The following CELF1 variants were observed in gnomAD, a reference collection of about 807,000 sequenced individuals.
CELF1 encodes the protein CUGBP Elav-like family member 1.
A neutral mutation model predicts 61.8 loss-of-function variants in CELF1; 10 were observed. The ratio of observed to expected loss-of-function variants is 0.16; its 90% CI spans 0.10 to 0.27. CELF1 has a LOEUF of 0.27. Ranked by LOEUF, CELF1 falls within the 10% of genes least tolerant of loss-of-function variation. The pLI, the probability that CELF1 is intolerant of heterozygous loss-of-function variation, is 1.00. For synonymous variants in CELF1, 236 were observed against 225.1 expected (o/e 1.05, Z -0.43); for missense variants, 380 against 639.1 (o/e 0.59, Z 4.37).
chr11:47,481,080 G>GTT, intron 9 of CELF1, among the ~76,000 whole-genome samples: 1 of 124,902 alleles, frequency 8.0e-6, no homozygotes, highest in Non-Finnish European at 1.8e-5. Context: ...GATAAACTGG[G>GTT]GTTTTTTTTT....
At chr11:47,519,643 G>A (rs555173891) in intron 1 of CELF1, among the ~76,000 whole-genome samples, 6 of 152,150 alleles carry the variant, frequency 3.9e-5, no homozygotes, top group South Asian at 2.1e-4. Flanking sequence ...AGGCCAAGGC[G>A]GGTGGATCAC....
chr11:47,537,113 A>G (rs763328619), intron 1 of CELF1, among the ~76,000 whole-genome samples: 2 of 152,172 alleles, frequency 1.3e-5, no homozygotes, highest in Non-Finnish European at 2.9e-5. Flanking sequence ...ATATCAGATT[A>G]TCCTTTTCTT....
At position 47,466,719 on chromosome 11, in the gene CELF1, T is replaced by C. The variant is rs1382827060; in HGVS notation, c.*5511A>G. 3 of 152,222 alleles carry C rather than the reference T, an allele frequency of 2.0e-5. No homozygotes were observed. Among genetic ancestry groups the C allele is most frequent in the Non-Finnish European group, 2.9e-5 (2 of 68,038 alleles). The allele number at this position is 152,222 out of a possible 1,614,324, so 9.4% of individuals were successfully genotyped here. On this transcript the variant is annotated 3_prime_UTR_variant, in exon 15 of 15. Transcript: ENST00000687097. ...GAAACAACGTCCAACATTTGGCATT[T>C]GGTTTTATCCACAGGTTTTCCCAGA...
rs773770665 is a variant in CELF1 at position 47,476,874 on chromosome 11, C to T, written c.1059G>A (p.Thr353=). Residue 353 remains threonine (T), a synonymous_variant, in exon 12 of 15, where the codon ACG becomes ACA. Transcript: ENST00000687097. ...LGALQTLAGA[T]AGLNVGSLAG... ...CCAAAGAGCCAACATTGAGGCCAGC[C>T]GTTGCTCCAGCTAATGTCTGCAGGG... 10 of 1,614,138 alleles carry T rather than the reference C, an allele frequency of 6.2e-6. No homozygotes were observed. The highest frequency in any genetic ancestry group is 1.1e-5 in the South Asian group (1 of 91,082).
chr11:47,553,211 T>C (rs547651924), upstream of CELF1: 16 of 385,742 alleles, frequency 4.1e-5, no homozygotes, highest in South Asian at 2.7e-4. Context: ...AGGGGGAACG[T>C]ATCACCGCGG....
At chr11:47,485,180 T>C (rs1052144215) in intron 6 of CELF1, among the ~76,000 whole-genome samples, 1 of 152,158 alleles carries the variant, frequency 6.6e-6, no homozygotes, top group African/African-American at 2.4e-5. Context: ...CCCTAGTCCT[T>C]TGTATTGTTT....
At chr11:47,473,605 A>G (rs1435410062) in intron 13 of CELF1, among the ~76,000 whole-genome samples, 2 of 152,172 alleles carry the variant, frequency 1.3e-5, no homozygotes, top group African/African-American at 4.8e-5. Context: ...GTTTCCAAAT[A>G]ATGCCTAGAA....
intron 1 of CELF1, among the ~76,000 whole-genome samples, chr11:47,514,381 T>C (rs1042202403): frequency 2.6e-5 from 4 of 152,032 alleles, no homozygotes; most frequent in Non-Finnish European, 5.9e-5. Context: ...GCCAATAGCA[T>C]CCTTGCATAT....
intron 1 of CELF1, among the ~76,000 whole-genome samples, chr11:47,535,404 C>T (rs1030950637): frequency 2.6e-5 from 4 of 152,066 alleles, no homozygotes; most frequent in East Asian, 3.9e-4. Flanking sequence ...TTGGGCTGGG[C>T]GAGATGGCTC....
Position 47,469,809 on chromosome 11 carries a change from C to A in CELF1, c.*2421G>T, listed in dbSNP as rs558712185. On this transcript the variant is annotated 3_prime_UTR_variant, in exon 15 of 15. Coordinates refer to ENST00000687097, the MANE Select transcript of CELF1 (RefSeq NM_001376376.1). ...AAAGGTGGGTGGATTGCACCTTGGC[C>A]TCTTATGTCATTAGGAAAGGGGTTT... 1 of 152,314 alleles carries A rather than the reference C, an allele frequency of 6.6e-6. No individual in the cohort carries two copies. The highest frequency in any genetic ancestry group is 1.9e-4 in the East Asian group (1 of 5,186). The allele number at this position is 152,314 out of a possible 1,614,324, so 9.4% of individuals were successfully genotyped here.
chr11:47,514,087 C>T (rs1236248711), intron 1 of CELF1: 2 of 151,974 alleles, frequency 1.3e-5, no homozygotes, highest in African/African-American at 4.8e-5. Flanking sequence ...CACCACCACA[C>T]CCAGCTAATT....
intron 1 of CELF1, among the ~76,000 whole-genome samples, chr11:47,551,286 G>A (rs2097130720): frequency 6.6e-6 from 1 of 152,154 alleles, no homozygotes; most frequent in South Asian, 2.1e-4. Flanking sequence ...CATTCTTAAT[G>A]GAAACAGGTG....
chr11:47,505,991 T>C (rs1308627019), intron 1 of CELF1, among the ~76,000 whole-genome samples: 1 of 150,362 alleles, frequency 6.7e-6, no homozygotes, highest in Non-Finnish European at 1.5e-5. Flanking sequence ...AAGGTATTAG[T>C]ACGTGCATGG....
intron 2 of CELF1, 190 bp from the exon 3 acceptor site, chr11:47,499,794 G>C (rs2093669833): frequency 2.3e-6 from 1 of 428,036 alleles, no homozygotes; most frequent in East Asian, 4.0e-5. Flanking sequence ...CTTGTTTTGT[G>C]CAATTTTCCC....
At chr11:47,503,690 A>C (rs1253692381) in intron 1 of CELF1, among the ~76,000 whole-genome samples, 1 of 152,222 alleles carries the variant, frequency 6.6e-6, no homozygotes, top group Admixed American at 6.5e-5. Flanking sequence ...AAATTTTTGC[A>C]CAGTACCTTT....
rs1453228694 is a variant in CELF1 at position 47,473,152 on chromosome 11, G to C, written c.1353C>G (p.Pro451=). The C allele has an allele frequency of 7.4e-6, 12 of 1,614,128 alleles. No homozygotes were observed. The highest frequency in any genetic ancestry group is 1.0e-5 in the Non-Finnish European group (12 of 1,180,022). Residue 451 remains proline, a synonymous_variant, in exon 14 of 15, where the codon CCC becomes CCG. Coordinates refer to ENST00000687097, the MANE Select transcript of CELF1 (RefSeq NM_001376376.1). Reference sequence around the variant, plus strand: ...CCTTGGCAGACACGACATTCCCAAAGGGCATAAACATCTGCAGCAGGTCCT... The same window carrying C: ...CCTTGGCAGACACGACATTCCCAAACGGCATAAACATCTGCAGCAGGTCCT... ...GDQDLLQMFM[P]FGNVVSAKVF...
At chr11:47,541,686 C>CAAAGAAAGAAAGAAAGAAAG (rs1555190315) in intron 1 of CELF1, among the ~76,000 whole-genome samples, 1 of 11,648 alleles carries the variant, frequency 8.6e-5, no homozygotes, top group African/African-American at 1.3e-4. Flanking sequence ...GCGAGACTGT[C>CAAAGAAAGAAAGAAAGAAAG]AAAGAAAGAA....
At chr11:47,553,265 G>T, upstream of CELF1, 1 of 378,932 alleles carries the variant, frequency 2.6e-6, no homozygotes, top group Non-Finnish European at 4.7e-6. Flanking sequence ...GCGTAGGGGC[G>T]GGCCGAGCGC....
chr11:47,471,382 G>A lies in CELF1; in HGVS notation c.*848C>T, dbSNP rs1337572050. The A allele has an allele frequency of 6.6e-6, 1 of 152,188 alleles. No homozygotes were observed. The highest frequency in any genetic ancestry group is 6.5e-5 in the Admixed American group (1 of 15,274). The allele number at this position is 152,188 out of a possible 1,614,324, so 9.4% of individuals were successfully genotyped here. On this transcript the variant is annotated 3_prime_UTR_variant, in exon 15 of 15. Coordinates refer to ENST00000687097, the MANE Select transcript of CELF1 (RefSeq NM_001376376.1). The stretch of plus-strand genomic sequence containing the variant: ...TAGAGGCCTTTAAAGAGACCCGTTG[G>A]AAATGGGCCATGGTCTAATTTGGTG...
Sources: allele counts gnomAD v4.1 joint callset (sites outside exome capture counted in the v4.1 genomes callset), GRCh38; gene constraint gnomAD v4.1.1; transcripts MANE v1.5; gene names NCBI Gene and HGNC (gene_info 2026-07-23, HGNC 2026-07-21).